Variants in SYNDIG1 observed in about 807,000 individuals in gnomAD.
The protein encoded by SYNDIG1 is synapse differentiation inducing 1, also known as synapse differentiation-inducing gene protein 1.
SYNDIG1 carries 9 observed loss-of-function variants against 19.4 expected under a neutral mutation model. That is an observed-to-expected ratio of 0.46 (90% CI 0.28 to 0.81). The LOEUF (loss-of-function observed/expected upper bound fraction) is 0.81, where lower values mean the gene tolerates loss of function less well. Ranked by LOEUF, SYNDIG1 falls within the 30% of genes least tolerant of loss-of-function variation. The probability of loss-of-function intolerance (pLI) is 0.12; values close to 1 mark genes in which losing one functional copy is unlikely to be tolerated. For synonymous variants in SYNDIG1, 141 were observed against 145.9 expected, an observed-to-expected ratio of 0.97 and a Z score of 0.24; for missense variants, 311 against 343.3, an observed-to-expected ratio of 0.91 and a Z score of 0.74.
intron 3 of SYNDIG1, among the ~76,000 whole-genome samples, chr20:24,609,675 C>A (rs2058816415): frequency 6.6e-6 from 1 of 152,098 alleles, no homozygotes; most frequent in African/African-American, 2.4e-5. Flanking sequence ...GAGAGCTGGC[C>A]CTGCACTAGA....
chr20:24,502,164 C>G (rs959774128), intron 1 of SYNDIG1: 4 of 152,460 alleles, frequency 2.6e-5, no homozygotes, highest in African/African-American at 9.6e-5. Flanking sequence ...CTTTCTGTTC[C>G]CTACCTTTCT....
At chr20:24,577,496 T>C (rs4815279) in intron 2 of SYNDIG1, among the ~76,000 whole-genome samples, 109,049 of 152,214 alleles carry the variant, frequency 0.72, 39,627 homozygotes, top group African/African-American at 0.82. Flanking sequence ...ACGTGGCTCA[T>C]GAAGACTCAT....
intron 3 of SYNDIG1, among the ~76,000 whole-genome samples, chr20:24,626,632 T>TG (rs2059142239): frequency 6.8e-6 from 1 of 146,064 alleles, no homozygotes; most frequent in Non-Finnish European, 1.5e-5. Flanking sequence ...TCCCAGACGA[T>TG]GGGCGGCCAG....
chr20:24,618,948 A>G (rs1004494471), intron 3 of SYNDIG1, among the ~76,000 whole-genome samples: 1 of 152,224 alleles, frequency 6.6e-6, no homozygotes, highest in Admixed American at 6.5e-5. Context: ...AAAAAATATC[A>G]TCAAATAATA....
Position 24,584,871 on chromosome 20 carries a change from G to A in SYNDIG1, c.496G>A (p.Asp166Asn), listed in dbSNP as rs2058388484. Residue 166 changes from aspartate to asparagine, a missense_variant, in exon 3 of 4, where the codon GAC (aspartate) becomes AAC (asparagine). By Grantham distance (23) the Asp-to-Asn change is conservative (BLOSUM62 1). Coordinates refer to ENST00000376862, the MANE Select transcript of SYNDIG1 (RefSeq NM_024893.3). ...TCTCTTGCAGAGCGACTACTCAAGC[G>A]ACACAGAGAGTGAGGACAATTTCCT... ...FQELESDYSS[D>N]TESEDNFLMM... 4 of 1,614,106 alleles carry A rather than the reference G, an allele frequency of 2.5e-6. No homozygotes were observed. Among genetic ancestry groups the A allele is most frequent in the Non-Finnish European group, 3.4e-6 (4 of 1,180,034 alleles).
intron 1 of SYNDIG1, among the ~76,000 whole-genome samples, chr20:24,538,857 G>T (rs1164662261): frequency 2.6e-5 from 4 of 151,580 alleles, no homozygotes; most frequent in South Asian, 2.1e-4. Flanking sequence ...CATTATTAGT[G>T]ATGTTGAGCA....
At chr20:24,522,701 A>G (rs753049838) in intron 1 of SYNDIG1, among the ~76,000 whole-genome samples, 23 of 152,128 alleles carry the variant, frequency 1.5e-4, no homozygotes, top group Non-Finnish European at 2.4e-4. Flanking sequence ...AGACTGGGGC[A>G]TTTGTAAAGA....
chr20:24,575,584 T>A (rs1248825595), intron 2 of SYNDIG1, among the ~76,000 whole-genome samples: 8 of 152,220 alleles, frequency 5.3e-5, no homozygotes, highest in Admixed American at 5.2e-4. Context: ...TTCTAGGACG[T>A]GCAAGGCATT....
chr20:24,517,617 T>C (rs2056904505), intron 1 of SYNDIG1, among the ~76,000 whole-genome samples: 1 of 135,394 alleles, frequency 7.4e-6, no homozygotes, highest in South Asian at 2.3e-4. Context: ...AGACTCTGTG[T>C]CAAAAAAAAA....
At chr20:24,488,891 C>T (rs905959134) in intron 1 of SYNDIG1, among the ~76,000 whole-genome samples, 14 of 152,174 alleles carry the variant, frequency 9.2e-5, no homozygotes, top group African/African-American at 2.9e-4. Flanking sequence ...GGACACGCCT[C>T]GCTCCACAGC....
chr20:24,501,925 T>C (rs2056464770), intron 1 of SYNDIG1, among the ~76,000 whole-genome samples: 1 of 152,230 alleles, frequency 6.6e-6, no homozygotes, highest in Admixed American at 6.5e-5. Flanking sequence ...CTGGGGATTC[T>C]TTTCCAGCAA....
chr20:24,510,653 A>G (rs1285373710), intron 1 of SYNDIG1, among the ~76,000 whole-genome samples: 1 of 151,728 alleles, frequency 6.6e-6, no homozygotes, highest in East Asian at 1.9e-4. Context: ...TACTACATTT[A>G]GTGTGGGATA....
At chr20:24,635,842 C>T (rs1367148238) in intron 3 of SYNDIG1, among the ~76,000 whole-genome samples, 1 of 152,196 alleles carries the variant, frequency 6.6e-6, no homozygotes, top group Admixed American at 6.5e-5. Flanking sequence ...TATGCACACA[C>T]ATCTAGCACC....
chr20:24,492,093 G>A (rs141301548), intron 1 of SYNDIG1, among the ~76,000 whole-genome samples: 22 of 152,334 alleles, frequency 1.4e-4, no homozygotes, highest in African/African-American at 5.1e-4. Context: ...GGCCGGCTCC[G>A]TGTGAACAGA....
intron 2 of SYNDIG1, among the ~76,000 whole-genome samples, chr20:24,578,691 A>C (rs975014801): frequency 6.6e-6 from 1 of 152,180 alleles, no homozygotes; most frequent in Non-Finnish European, 1.5e-5. Flanking sequence ...CGGCAGGTGC[A>C]CAGGCTCTGA....
intron 2 of SYNDIG1, among the ~76,000 whole-genome samples, chr20:24,570,327 T>C (rs536599260): frequency 1.3e-5 from 2 of 152,230 alleles, no homozygotes; most frequent in African/African-American, 4.8e-5. Context: ...TAAAAACTTT[T>C]GCTCTGCAAA....
chr20:24,512,225 T>C (rs2056762972), intron 1 of SYNDIG1, among the ~76,000 whole-genome samples: 1 of 146,126 alleles, frequency 6.8e-6, no homozygotes, highest in Admixed American at 6.9e-5. Context: ...ATGAAGAAGA[T>C]GGGTGATTTC....
chr20:24,522,751 A>G (rs997579849), intron 1 of SYNDIG1, among the ~76,000 whole-genome samples: 4 of 152,210 alleles, frequency 2.6e-5, no homozygotes, highest in African/African-American at 9.6e-5. Context: ...AGGCTGTACA[A>G]GCATGGTGCC....
chr20:24,548,312 G>A (rs942132618), intron 2 of SYNDIG1, among the ~76,000 whole-genome samples: 7 of 152,324 alleles, frequency 4.6e-5, no homozygotes, highest in African/African-American at 1.7e-4. Flanking sequence ...TCAGCATTAT[G>A]CCAGAGTCCA....
Sources: allele counts gnomAD v4.1 joint callset (sites outside exome capture counted in the v4.1 genomes callset), GRCh38; gene constraint gnomAD v4.1.1; transcripts MANE v1.5; gene names NCBI Gene and HGNC (gene_info 2026-07-23, HGNC 2026-07-21).